SLIT3: variants seen among roughly 807,000 people sequenced by gnomAD.
SLIT3 encodes slit guidance ligand 3.
In SLIT3, 68 loss-of-function variants were observed where a neutral mutation model predicts 184.0. The ratio of observed to expected loss-of-function variants is 0.37; its 90% CI spans 0.30 to 0.45. The LOEUF is 0.45. Ranked by LOEUF, SLIT3 falls within the 20% of genes least tolerant of loss-of-function variation. SLIT3 has a pLI of 1.00. For missense variants in SLIT3, 1,707 were observed against 2,026.0 expected (o/e 0.84, Z 3.02); for synonymous variants, 831 against 828.6 (o/e 1.00, Z -0.05).
At chr5:169,178,443 T>G (rs974144816) in intron 4 of SLIT3, among the ~76,000 whole-genome samples, 1 of 152,208 alleles carries the variant, frequency 6.6e-6, no homozygotes, top group Admixed American at 6.5e-5. Flanking sequence ...CCTTACACAC[T>G]GAACGGTTGC....
chr5:168,712,456 T>A (rs542888629), intron 23 of SLIT3, 102 bp from the exon 24 acceptor site: 1 of 1,002,678 alleles, frequency 1.0e-6, no homozygotes, highest in African/African-American at 1.6e-5. Flanking sequence ...TCAGTTTTGC[T>A]CAGAGCCCCA....
At chr5:168,947,508 A>G (rs1438186202) in intron 4 of SLIT3, among the ~76,000 whole-genome samples, 1 of 152,182 alleles carries the variant, frequency 6.6e-6, no homozygotes, top group East Asian at 1.9e-4. Context: ...GCATAGGAAG[A>G]AAAAAAACAG....
chr5:168,860,431 T>C (rs913840949), intron 5 of SLIT3, among the ~76,000 whole-genome samples: 13 of 152,108 alleles, frequency 8.5e-5, no homozygotes, highest in African/African-American at 3.1e-4. Flanking sequence ...AATGGTGGCC[T>C]AATGGGGAGG....
intron 4 of SLIT3, among the ~76,000 whole-genome samples, chr5:168,938,843 C>CA (rs1762245303): frequency 6.6e-6 from 1 of 152,098 alleles, no homozygotes; most frequent in Non-Finnish European, 1.5e-5. Context: ...GCTGACCAGG[C>CA]AGGTCTCAAA....
chr5:169,256,055 A>C (rs1765951071), intron 1 of SLIT3, among the ~76,000 whole-genome samples: 1 of 152,202 alleles, frequency 6.6e-6, no homozygotes. Flanking sequence ...AGCAACTTCC[A>C]GTCCTGCAAG....
chr5:168,801,124 T>C (rs1375293516), intron 9 of SLIT3, among the ~76,000 whole-genome samples: 1 of 151,986 alleles, frequency 6.6e-6, no homozygotes, highest in African/African-American at 2.4e-5. Flanking sequence ...AATGCTCTGT[T>C]CCCAGTCACT....
intron 5 of SLIT3, among the ~76,000 whole-genome samples, chr5:168,872,566 T>C (rs1759563531): frequency 6.7e-6 from 1 of 150,356 alleles, no homozygotes; most frequent in Non-Finnish European, 1.5e-5. Context: ...TCTAAAAATA[T>C]AAAAATGCTC....
intron 4 of SLIT3, chr5:169,024,747 T>G (rs1445906497): frequency 6.6e-6 from 1 of 152,124 alleles, no homozygotes; most frequent in East Asian, 1.9e-4. Context: ...CAGCCTGGAA[T>G]CCACCAACCC....
At chr5:168,696,455 G>A in intron 27 of SLIT3, 24 bp from the exon 28 acceptor site, 1 of 1,613,562 alleles carries the variant, frequency 6.2e-7, no homozygotes, top group Non-Finnish European at 8.5e-7. Context: ...GGGGTGGAGA[G>A]CAGGGGAGTC....
At chr5:168,827,579 T>A (rs553970166) in intron 6 of SLIT3, among the ~76,000 whole-genome samples, 1 of 152,300 alleles carries the variant, frequency 6.6e-6, no homozygotes, top group South Asian at 2.1e-4. Flanking sequence ...TTAGAGCTTA[T>A]CTGAACAATC....
chr5:168,970,798 T>C (rs958937908), intron 4 of SLIT3, among the ~76,000 whole-genome samples: 1 of 152,250 alleles, frequency 6.6e-6, no homozygotes, highest in Non-Finnish European at 1.5e-5. Flanking sequence ...ACTTCCTGGC[T>C]ATGTTACCTT....
At chr5:168,932,347 G>GAC (rs375350401) in intron 4 of SLIT3, among the ~76,000 whole-genome samples, 13,379 of 130,966 alleles carry the variant, frequency 0.1, 678 homozygotes, top group East Asian at 0.19. Context: ...AGGGGAAAAA[G>GAC]ACACACACAC....
chr5:169,065,880 T>C (rs1231676175), intron 4 of SLIT3, among the ~76,000 whole-genome samples: 10 of 152,200 alleles, frequency 6.6e-5, no homozygotes, highest in Admixed American at 5.9e-4. Flanking sequence ...GAAAATTAGG[T>C]ATCATACATA....
At chr5:168,750,304 TA>T (rs2113463727) in intron 18 of SLIT3, among the ~76,000 whole-genome samples, 1 of 152,352 alleles carries the variant, frequency 6.6e-6, no homozygotes, top group Non-Finnish European at 1.5e-5. Flanking sequence ...CCTGAGTGTT[TA>T]CTACAGGACT....
chr5:168,949,874 G>C (rs62377202), intron 4 of SLIT3, among the ~76,000 whole-genome samples: 7,998 of 152,248 alleles, frequency 0.053, 288 homozygotes, highest in East Asian at 0.16. Context: ...TTACAGGTGT[G>C]AGCCACCATG....
At chr5:169,194,530 G>A (rs1763680201) in intron 3 of SLIT3, among the ~76,000 whole-genome samples, 1 of 151,956 alleles carries the variant, frequency 6.6e-6, no homozygotes, top group African/African-American at 2.4e-5. Flanking sequence ...TTATAACTAT[G>A]TCGGTATAAA....
At chr5:168,856,703 A>G (rs1758880678) in intron 5 of SLIT3, among the ~76,000 whole-genome samples, 1 of 151,558 alleles carries the variant, frequency 6.6e-6, no homozygotes, top group Non-Finnish European at 1.5e-5. Flanking sequence ...CTTTTGCATC[A>G]GTAGCCAGCG....
At chr5:168,686,456 C>G (rs1263485753) in intron 30 of SLIT3, among the ~76,000 whole-genome samples, 1 of 152,208 alleles carries the variant, frequency 6.6e-6, no homozygotes, top group Non-Finnish European at 1.5e-5. Context: ...CTTGAGAACA[C>G]TATATACTAA....
At chr5:169,222,354 G>C (rs1404338218) in intron 3 of SLIT3, among the ~76,000 whole-genome samples, 1 of 152,102 alleles carries the variant, frequency 6.6e-6, no homozygotes, top group Non-Finnish European at 1.5e-5. Context: ...ACACCTTGGG[G>C]CACGTAGAAG....
Sources: allele counts gnomAD v4.1 joint callset (sites outside exome capture counted in the v4.1 genomes callset), GRCh38; gene constraint gnomAD v4.1.1; transcripts MANE v1.5; gene names NCBI Gene and HGNC (gene_info 2026-07-23, HGNC 2026-07-21).